Variants in WDR86 observed in about 807,000 individuals in gnomAD.
WDR86 encodes WD repeat domain 86, also known as WD repeat-containing protein 86.
Under a neutral mutation model 36.5 loss-of-function variants are expected in WDR86, and 30 were observed. The ratio of observed to expected loss-of-function variants is 0.82; its 90% confidence interval spans 0.61 to 1.11. WDR86 has a LOEUF of 1.11. WDR86 is among the 50% of genes most tolerant of loss of function. The pLI is 0.00. For missense variants in WDR86, 545 were observed against 561.2 expected (o/e 0.97, Z 0.29); for synonymous variants, 255 against 252.9 (o/e 1.01, Z -0.08).
chr7:151,402,070 A>AAATATATATATATATATATATATATATAT, intron 1 of WDR86, among the ~76,000 whole-genome samples: 1 of 50,558 alleles, frequency 2.0e-5, no homozygotes, highest in African/African-American at 1.2e-4. Context: ...AAAAAAAAAA[A>AAATATATATATATATATATATATATATAT]ATATATATAT....
At position 151,401,887 on chromosome 7, in the gene WDR86, A is replaced by C. The variant is rs1053485017; in HGVS notation, c.164-1646T>G. On this transcript the variant is annotated intron_variant, in intron 1 of 5. Transcript: ENST00000334493. The surrounding 1 kb of genome is among the most constrained non-coding windows in gnomAD (Gnocchi z 4.3). ...AGATGGTGAAACCCCGTCTCTACTAAAAATACAAAAAATTAGCCGGGCGTG... is the reference window on the plus strand; with the variant it reads ...AGATGGTGAAACCCCGTCTCTACTACAAATACAAAAAATTAGCCGGGCGTG... Among the ~76,000 whole-genome samples, 12 of 150,696 alleles carry C rather than the reference A, an allele frequency of 8.0e-5. No homozygotes were observed. Among genetic ancestry groups the C allele is most frequent in the African/African-American group, 2.5e-4 (10 of 40,800 alleles).
intron 2 of WDR86, among the ~76,000 whole-genome samples, chr7:151,398,236 ATG>A (rs556583450): frequency 6.6e-5 from 10 of 151,540 alleles, no homozygotes; most frequent in Admixed American, 1.3e-4. Flanking sequence ...ATGTGTGTGC[ATG>A]TGTGTGTTGT....
At chr7:151,370,935 C>T (rs546521070), downstream of WDR86, among the ~76,000 whole-genome samples, 1 of 152,126 alleles carries the variant, frequency 6.6e-6, no homozygotes, top group Non-Finnish European at 1.5e-5. Context: ...AACATTGTCA[C>T]ACTCATGTCA....
intron 3 of WDR86, among the ~76,000 whole-genome samples, chr7:151,393,165 C>A (rs183718593): frequency 6.6e-6 from 1 of 152,234 alleles, no homozygotes; most frequent in Non-Finnish European, 1.5e-5. Context: ...TGTTTGTGGG[C>A]ATGCATGTAC....
chr7:151,370,330 C>T, the WDR86 span, among the ~76,000 whole-genome samples: 1 of 152,242 alleles, frequency 6.6e-6, no homozygotes, highest in Admixed American at 6.5e-5. Context: ...CTCAAGTGAT[C>T]CTCCCGCCTT....
rs1347179339 is a variant in WDR86, at chr7:151,381,507, C to T, written c.*75G>A. On this transcript the variant is annotated 3_prime_UTR_variant, in exon 6 of 6. Coordinates refer to ENST00000334493, the MANE Select transcript of WDR86 (RefSeq NM_198285.3). This position sits in a 1 kb window ranked among gnomAD's most constrained non-coding sequence, Gnocchi z 4.8. ...CCCCTCGCCGGCCATCGGGCGCCAC[C>T]ACCGCGGGTAGCAGGGCGGGGCGCT... The T allele has an allele frequency of 6.9e-7, 1 of 1,450,454 alleles. No individual in the cohort carries two copies. The allele number at this position is 1,450,454 out of a possible 1,614,324, so 89.8% of individuals were successfully genotyped here.
Position 151,409,709 on chromosome 7 carries a change from G to A in WDR86, c.-120C>T, listed in dbSNP as rs963292170. The A allele has an allele frequency of 1.5e-6, 2 of 1,296,172 alleles. No individual in the cohort carries two copies. The highest frequency in any genetic ancestry group is 3.1e-5 in the African/African-American group (2 of 64,396). The allele number at this position is 1,296,172 out of a possible 1,614,324, so 80.3% of individuals were successfully genotyped here. On this transcript the variant is annotated 5_prime_UTR_variant, in exon 1 of 6. Coordinates refer to ENST00000334493, the MANE Select transcript of WDR86 (RefSeq NM_198285.3). The surrounding 1 kb of genome is among the most constrained non-coding windows in gnomAD (Gnocchi z 5.2). ...GGCCATCGCGGGGAACGGGGAGCCC[G>A]ACTCCTGCGGAGGCACGCGGCGAGG...
chr7:151,370,787 T>C, the WDR86 span, among the ~76,000 whole-genome samples: 141 of 150,008 alleles, frequency 9.4e-4, no homozygotes, highest in African/African-American at 3.2e-3. Flanking sequence ...AGTGAGAATA[T>C]GCGGTGTTTG....
At chr7:151,393,373 A>G (rs1585018788) in intron 3 of WDR86, among the ~76,000 whole-genome samples, 1 of 152,000 alleles carries the variant, frequency 6.6e-6, no homozygotes, top group African/African-American at 2.4e-5. Context: ...CTGCCAGGAC[A>G]CCCTACGCTC....
intron 3 of WDR86, among the ~76,000 whole-genome samples, chr7:151,389,517 CTT>C (rs1799254227): frequency 6.6e-6 from 1 of 152,188 alleles, no homozygotes; most frequent in Admixed American, 6.5e-5. Flanking sequence ...TCCCTTGGCT[CTT>C]GACTTGCAAG....
At chr7:151,393,853 A>C (rs1489185560) in intron 3 of WDR86, among the ~76,000 whole-genome samples, 3 of 152,150 alleles carry the variant, frequency 2.0e-5, no homozygotes, top group Non-Finnish European at 4.4e-5. Context: ...CCAGCATCTG[A>C]CAAGTAAGGA....
chr7:151,376,975 T>C, downstream of WDR86: 1 of 1,423,152 alleles, frequency 7.0e-7, no homozygotes, highest in Non-Finnish European at 9.4e-7. Context: ...AGTCTGAGGT[T>C]GACTGTGGTC....
At chr7:151,393,733 A>G (rs1216355545) in intron 3 of WDR86, among the ~76,000 whole-genome samples, 2 of 152,058 alleles carry the variant, frequency 1.3e-5, no homozygotes, top group Admixed American at 6.5e-5. Context: ...CCACCACGGA[A>G]CTGCCTGGCA....
intron 2 of WDR86, 21 bp downstream of exon 2, chr7:151,400,079 C>G (rs760643717): frequency 6.5e-7 from 1 of 1,540,806 alleles, no homozygotes. Flanking sequence ...AGACTCAGCC[C>G]AAGCCCCCAG....
Position 151,406,385 on chromosome 7 carries a change from G to A in WDR86, c.163+3042C>T, listed in dbSNP as rs75318185. Among the ~76,000 whole-genome samples, 4,099 of 152,278 alleles carry A rather than the reference G, an allele frequency of 0.027. 155 individuals are homozygous for A. The highest frequency in any genetic ancestry group is 0.19 in the East Asian group (1,002 of 5,176). Reference sequence around the variant, plus strand: ...CCTGCTGCCATGAACAGAGCCAGAGGTCTCTAGAGGAAAAGCGTACGTAGG... The same window carrying A: ...CCTGCTGCCATGAACAGAGCCAGAGATCTCTAGAGGAAAAGCGTACGTAGG... On this transcript the variant is annotated intron_variant, in intron 1 of 5. Transcript: ENST00000334493. This position sits in a 1 kb window ranked among gnomAD's most constrained non-coding sequence, Gnocchi z 4.4.
intron 1 of WDR86, 92 bp from the exon 2 acceptor site, chr7:151,400,333 AGGATGTAGGGAGT>A (rs1800194216): frequency 7.4e-7 from 1 of 1,352,056 alleles, no homozygotes; most frequent in African/African-American, 1.5e-5. Context: ...GGAAGAAAGC[AGGATGTAGGGAGT>A]GTTTGAGACA....
chr7:151,408,989 T>C (rs2150888601), intron 1 of WDR86: 1 of 476,688 alleles, frequency 2.1e-6, no homozygotes, highest in South Asian at 1.5e-5. Flanking sequence ...ACTGTTGCTG[T>C]GAGAGTCGTC....
intron 2 of WDR86, among the ~76,000 whole-genome samples, chr7:151,398,635 G>C (rs1800064569): frequency 6.6e-6 from 1 of 151,484 alleles, no homozygotes; most frequent in Non-Finnish European, 1.5e-5. Context: ...TTGTGTATGA[G>C]TGTGTATGTA....
intron 1 of WDR86, among the ~76,000 whole-genome samples, chr7:151,403,504 CCT>C (rs1024589529): frequency 4.6e-5 from 7 of 152,180 alleles, no homozygotes; most frequent in East Asian, 1.9e-4. Context: ...CCCCCGACCC[CCT>C]GAGTTTAAGT....
Sources: gnomAD v4.1 joint callset for allele counts (sites outside exome capture counted in the v4.1 genomes callset) on GRCh38, gnomAD v4.1.1 for gene constraint, Gnocchi (gnomAD v3.1) non-coding constraint, MANE v1.5 for transcripts, NCBI Gene and HGNC (gene_info 2026-07-23, HGNC 2026-07-21) for gene names.